Variants in EFR3A observed in about 807,000 individuals in gnomAD.
EFR3A encodes protein EFR3 homolog A.
Under a neutral mutation model 104.4 loss-of-function variants are expected in EFR3A, and 76 were observed. The observed-to-expected ratio is 0.73, with a 90% confidence interval of 0.60 to 0.88. EFR3A has a LOEUF of 0.88. Ranked by LOEUF, EFR3A falls within the 40% of genes least tolerant of loss-of-function variation. EFR3A has a pLI of 0.00. For synonymous variants in EFR3A, 330 were observed against 330.0 expected, an observed-to-expected ratio of 1.00 and a Z score of 0.00; for missense variants, 985 against 1,012.5, an observed-to-expected ratio of 0.97 and a Z score of 0.37.
intron 22 of EFR3A, among the ~76,000 whole-genome samples, chr8:132,004,573 G>T (rs759925253): frequency 3.3e-5 from 5 of 152,178 alleles, no homozygotes; most frequent in Non-Finnish European, 4.4e-5. Flanking sequence ...AAAGGTCGGC[G>T]ACTGTTGTGC....
intron 1 of EFR3A, among the ~76,000 whole-genome samples, chr8:131,936,717 A>C (rs1817911107): frequency 6.6e-6 from 1 of 152,090 alleles, no homozygotes; most frequent in South Asian, 2.1e-4. Flanking sequence ...TTTATTATAA[A>C]GGCTATTAAG....
chr8:131,949,813 A>G (rs1301774331), intron 4 of EFR3A, among the ~76,000 whole-genome samples, 156 bp from the exon 5 acceptor site: 2 of 152,036 alleles, frequency 1.3e-5, no homozygotes, highest in Non-Finnish European at 2.9e-5. Flanking sequence ...ACCCTATCTC[A>G]AGAAAGAAAG....
Position 131,946,472 on chromosome 8 carries a change from C to T in EFR3A, c.216-11C>T, listed in dbSNP as rs1818446349. 4.6e-6 allele frequency: 7 copies of T among 1,528,444 alleles called. No homozygotes were observed. Among genetic ancestry groups the T allele is most frequent in the Non-Finnish European group, 6.1e-6 (7 of 1,138,334 alleles). 94.7% of individuals were successfully genotyped at this position (1,528,444 alleles called of 1,614,324 possible). On this transcript the variant is annotated splice_polypyrimidine_tract_variant and intron_variant, in intron 3 of 22. Transcript: ENST00000254624. ...AGAAATGCTTTGACATTCTTTTTCT[C>T]CTACATGTAGGTATGTTTTGATTGC...
intron 11 of EFR3A, 81 bp downstream of exon 11, chr8:131,976,222 G>GTT: frequency 1.1e-6 from 1 of 913,840 alleles, no homozygotes; most frequent in Non-Finnish European, 1.7e-6. Context: ...TTAACGTTTT[G>GTT]TTTTTTTTTA....
rs989583580 is a variant in EFR3A at position 131,911,053 on chromosome 8, A to G, written c.10+6731A>G. 1.6e-4 allele frequency among the ~76,000 whole-genome samples: 24 copies of G among 152,112 alleles called. 1 individual carries two copies. Among genetic ancestry groups the G allele is most frequent in the African/African-American group, 5.3e-4 (22 of 41,412 alleles). ...AATTAACCCTTTTGAGAATCTGATG[A>G]AAGCCATGATTATTCTTCCCCAGAA... is the stretch of plus-strand genomic sequence containing the variant. On this transcript the variant is annotated intron_variant, in intron 1 of 22. Coordinates refer to ENST00000254624, the MANE Select transcript of EFR3A (RefSeq NM_015137.6).
intron 1 of EFR3A, among the ~76,000 whole-genome samples, chr8:131,908,426 G>A (rs1458436478): frequency 6.6e-6 from 1 of 152,108 alleles, no homozygotes. Flanking sequence ...CTTAGTAGCA[G>A]TTTCCAACTT....
chr8:131,947,747 T>C lies in EFR3A; in HGVS notation c.366+1114T>C, dbSNP rs184341637. On this transcript the variant is annotated intron_variant, in intron 4 of 22. Transcript: ENST00000254624. ...GATGTGAATTCAGCATTCAACTTTA[T>C]CCACATTTTGCATGTGGATATTTAA... 7.6e-4 allele frequency among the ~76,000 whole-genome samples: 116 copies of C among 152,256 alleles called. 2 individuals carry two copies. The highest frequency in any genetic ancestry group is 2.7e-3 in the African/African-American group (113 of 41,578).
intron 10 of EFR3A, among the ~76,000 whole-genome samples, chr8:131,972,507 T>C (rs1234251807): frequency 2.6e-5 from 4 of 152,000 alleles, no homozygotes; most frequent in Non-Finnish European, 5.9e-5. Flanking sequence ...AGTGAAGAGC[T>C]TCCTTAAGAA....
At chr8:131,942,144 T>C (rs1007580285) in intron 2 of EFR3A, among the ~76,000 whole-genome samples, 1 of 152,080 alleles carries the variant, frequency 6.6e-6, no homozygotes, top group African/African-American at 2.4e-5. Flanking sequence ...CTTTGAACAC[T>C]TGATCATTGA....
chr8:131,958,979 A>G (rs1289937502), intron 7 of EFR3A, among the ~76,000 whole-genome samples: 1 of 152,180 alleles, frequency 6.6e-6, no homozygotes, highest in Non-Finnish European at 1.5e-5. Flanking sequence ...TAACTCACTC[A>G]TGGACAAGGA....
intron 3 of EFR3A, among the ~76,000 whole-genome samples, chr8:131,945,851 A>G (rs1251231052): frequency 2.0e-5 from 3 of 151,984 alleles, no homozygotes; most frequent in South Asian, 4.1e-4. Context: ...TAGTCACCCT[A>G]CTGTGCTGTT....
chr8:132,001,729 C>T, intron 19 of EFR3A, 30 bp from the exon 20 acceptor site: 1 of 1,599,874 alleles, frequency 6.3e-7, no homozygotes, highest in Non-Finnish European at 8.6e-7. Flanking sequence ...CCCTTTTTAA[C>T]TCTCGATTTC....
chr8:131,986,983 A>G (rs1820920154), intron 17 of EFR3A, among the ~76,000 whole-genome samples: 1 of 152,152 alleles, frequency 6.6e-6, no homozygotes, highest in Non-Finnish European at 1.5e-5. Context: ...GAATGTATTA[A>G]GGAAAATCCG....
intron 1 of EFR3A, among the ~76,000 whole-genome samples, chr8:131,908,405 T>C (rs1816356537): frequency 6.6e-6 from 1 of 152,274 alleles, no homozygotes; most frequent in African/African-American, 2.4e-5. Context: ...TTACGGTGGC[T>C]TTTTTATAGG....
intron 1 of EFR3A, 104 bp downstream of exon 1, chr8:131,904,426 G>A: frequency 9.1e-7 from 1 of 1,103,938 alleles, no homozygotes; most frequent in Non-Finnish European, 1.2e-6. Flanking sequence ...GGGCCGCGCT[G>A]AGCAGAGCCA....
chr8:131,908,831 T>C (rs1816376899), intron 1 of EFR3A, among the ~76,000 whole-genome samples: 1 of 152,208 alleles, frequency 6.6e-6, no homozygotes, highest in Non-Finnish European at 1.5e-5. Flanking sequence ...AATTAAAAAT[T>C]GAATCTTTAC....
rs1235329921 is a variant in EFR3A, at chr8:132,012,581, G to A, written c.*1686G>A. 2 of 152,372 alleles carry A rather than the reference G, an allele frequency of 1.3e-5. No homozygotes were observed. Among genetic ancestry groups the A allele is most frequent in the Non-Finnish European group, 2.9e-5 (2 of 67,972 alleles). The allele number at this position is 152,372 out of a possible 1,614,324, so 9.4% of individuals were successfully genotyped here. A position where few individuals can be genotyped will look rare whatever the true frequency, so the allele number is the denominator to read the frequency against. On this transcript the variant is annotated 3_prime_UTR_variant, in exon 23 of 23. Transcript: ENST00000254624. The stretch of plus-strand genomic sequence containing the variant: ...CTTCACCAGTCCGTAAAGCCAAGTT[G>A]TATTTTTTTAATTGCCCTTTTTTCC...
chr8:131,959,511 C>T, intron 7 of EFR3A, 74 bp from the exon 8 acceptor site: 1 of 1,192,154 alleles, frequency 8.4e-7, no homozygotes, highest in Non-Finnish European at 1.2e-6. Flanking sequence ...TTAAGCTTTT[C>T]CTATTGTTGA....
chr8:131,988,363 C>T (rs1296471190), intron 18 of EFR3A, among the ~76,000 whole-genome samples: 1 of 151,914 alleles, frequency 6.6e-6, no homozygotes, highest in Non-Finnish European at 1.5e-5. Context: ...TTTGGGGATA[C>T]CTCTGTTCTA....
Sources: allele counts gnomAD v4.1 joint callset (sites outside exome capture counted in the v4.1 genomes callset), GRCh38; gene constraint gnomAD v4.1.1; transcripts MANE v1.5; gene names NCBI Gene and HGNC (gene_info 2026-07-23, HGNC 2026-07-21).